ROBO2: variants seen among roughly 807,000 people sequenced by gnomAD.
The protein encoded by ROBO2 is roundabout homolog 2.
ROBO2 carries 53 observed loss-of-function variants against 160.8 expected under a neutral mutation model. That is an observed-to-expected ratio of 0.33 (90% CI 0.26 to 0.41). ROBO2 has a LOEUF of 0.41. Ranked by LOEUF, ROBO2 falls within the 10% of genes least tolerant of loss-of-function variation. The probability of loss-of-function intolerance (pLI) is 1.00; values close to 1 mark genes in which losing one functional copy is unlikely to be tolerated. For synonymous variants in ROBO2, 664 were observed against 611.7 expected (o/e 1.09, Z -1.26); for missense variants, 1,577 against 1,722.4 (o/e 0.92, Z 1.49).
chr3:76,283,211 T>C (rs1250472860), intron 2 of ROBO2, among the ~76,000 whole-genome samples: 1 of 139,078 alleles, frequency 7.2e-6, no homozygotes, highest in African/African-American at 2.6e-5. Flanking sequence ...TAAGAGGTAG[T>C]AATAATCTGT....
At chr3:75,925,470 T>C (rs562103029) in intron 1 of ROBO2, among the ~76,000 whole-genome samples, 3 of 152,172 alleles carry the variant, frequency 2.0e-5, no homozygotes, top group Non-Finnish European at 4.4e-5. Context: ...CCTCTGATTA[T>C]ATGAGGCTGG....
At chr3:77,317,444 C>T (rs561598890) in intron 2 of ROBO2, 109 of 1,513,824 alleles carry the variant, frequency 7.2e-5, no homozygotes, top group Admixed American at 5.3e-4. Context: ...CCAGACTGCC[C>T]GTCACTTTGG....
chr3:76,854,223 C>T (rs576482425), intron 2 of ROBO2, among the ~76,000 whole-genome samples: 1 of 152,000 alleles, frequency 6.6e-6, no homozygotes, highest in Non-Finnish European at 1.5e-5. Context: ...ACAAGTAATC[C>T]ATTGTATGGA....
At position 76,101,743 on chromosome 3, in the gene ROBO2, T is replaced by A. The variant is rs983768806; in HGVS notation, c.109+164141T>A. 6.5e-5 allele frequency among the ~76,000 whole-genome samples: 9 copies of A among 138,586 alleles called. No individual in the cohort carries two copies. The East Asian group carries it at 1.9e-3, about 29-fold the overall frequency. 90.9% of individuals were successfully genotyped at this position (138,586 alleles called of 152,430 possible). A position where few individuals can be genotyped will look rare whatever the true frequency, so the allele number is the denominator to read the frequency against. The stretch of plus-strand genomic sequence containing the variant: ...CACAAGAGGCCCTGGGGTGTGATGT[T>A]CCCCTTCCTGTGTCCAAGTGTTCCC... On this transcript the variant is annotated intron_variant, in intron 2 of 26. Transcript: ENST00000487694.
chr3:76,137,535 C>T (rs1577011822), intron 2 of ROBO2, among the ~76,000 whole-genome samples: 1 of 151,334 alleles, frequency 6.6e-6, no homozygotes. Flanking sequence ...TTTAATTTCA[C>T]ATTGAAAATT....
intron 2 of ROBO2, among the ~76,000 whole-genome samples, chr3:76,050,494 C>T (rs1179013996): frequency 1.3e-5 from 2 of 152,236 alleles, no homozygotes; most frequent in East Asian, 3.9e-4. Context: ...AGTCAATTCT[C>T]CTAATAAACT....
chr3:76,513,133 C>A (rs1371264221), intron 2 of ROBO2, among the ~76,000 whole-genome samples: 1 of 152,070 alleles, frequency 6.6e-6, no homozygotes, highest in Non-Finnish European at 1.5e-5. Flanking sequence ...TGAACAGTAG[C>A]AAGGGGTAAA....
chr3:76,190,302 G>GT (rs1701948532), intron 2 of ROBO2, among the ~76,000 whole-genome samples: 1 of 152,106 alleles, frequency 6.6e-6, no homozygotes, highest in Admixed American at 6.6e-5. Flanking sequence ...CCGAAGAGGT[G>GT]TGTGGCAATA....
intron 2 of ROBO2, among the ~76,000 whole-genome samples, chr3:77,393,863 T>C (rs2074996347): frequency 6.6e-6 from 1 of 152,004 alleles, no homozygotes; most frequent in African/African-American, 2.4e-5. Flanking sequence ...GATTGCAGAA[T>C]ATTATATATA....
chr3:76,663,788 C>A (rs2091916820), intron 2 of ROBO2, among the ~76,000 whole-genome samples: 1 of 152,018 alleles, frequency 6.6e-6, no homozygotes, highest in South Asian at 2.1e-4. Context: ...AGTCTAATCC[C>A]AGCTACTCGG....
chr3:76,198,009 A>G (rs975270327), intron 2 of ROBO2, among the ~76,000 whole-genome samples: 3 of 152,180 alleles, frequency 2.0e-5, no homozygotes, highest in Non-Finnish European at 4.4e-5. Context: ...TCTGAATCTC[A>G]CTGTAAACCA....
At chr3:76,185,215 TACACAC>T (rs1553669701) in intron 2 of ROBO2, among the ~76,000 whole-genome samples, 1 of 90,312 alleles carries the variant, frequency 1.1e-5, no homozygotes, top group African/African-American at 3.8e-5. Flanking sequence ...TATATATATA[TACACAC>T]ACAAAGATGT....
rs140903219 is a variant in ROBO2, at chr3:76,605,994, T to C, written c.110-492020T>C. On this transcript the variant is annotated intron_variant, in intron 2 of 26. Transcript: ENST00000487694. Reference sequence around the variant, plus strand: ...ATTTGGAGGAAAGCCAAGCTAGATATCTTCTAAGATTCTTTCCAACACAAT... The same window carrying C: ...ATTTGGAGGAAAGCCAAGCTAGATACCTTCTAAGATTCTTTCCAACACAAT... Among the ~76,000 whole-genome samples, 1,036 of 152,266 alleles carry C rather than the reference T, an allele frequency of 6.8e-3. 11 individuals carry two copies. Among genetic ancestry groups the C allele is most frequent in the African/African-American group, 0.023 (971 of 41,552 alleles).
At chr3:76,866,473 T>C (rs944008329) in intron 2 of ROBO2, among the ~76,000 whole-genome samples, 6 of 152,140 alleles carry the variant, frequency 3.9e-5, no homozygotes, top group African/African-American at 1.4e-4. Context: ...AATATTGTTA[T>C]TGACAAACTT....
At chr3:77,027,492 A>C (rs1274207402) in intron 2 of ROBO2, among the ~76,000 whole-genome samples, 2 of 152,214 alleles carry the variant, frequency 1.3e-5, no homozygotes, top group Non-Finnish European at 2.9e-5. Flanking sequence ...TCAAAAGTAA[A>C]TTGGGCAATC....
In ROBO2 at chr3:75,911,552, CTTTTTTT is replaced by C. The variant is rs56787695; in HGVS notation, c.-14+4609_-14+4615del. Among the ~76,000 whole-genome samples the C allele has an allele frequency of 1.2e-3, 98 of 83,550 alleles. 1 individual carries two copies. The highest frequency in any genetic ancestry group is 3.1e-3 in the Admixed American group (20 of 6,456). The allele number at this position is 83,550 out of a possible 152,430, so 54.8% of individuals were successfully genotyped here. On this transcript the variant is annotated intron_variant, in intron 1 of 26. Coordinates refer to the ROBO2 transcript ENST00000487694. ...AAGATCCCTTTCTGAAGCCTTGTTT[CTTTTTTT>C]TTTTTTTTTTTTTTTTGAGACGGAG...
intron 2 of ROBO2, among the ~76,000 whole-genome samples, chr3:76,573,645 C>T (rs1026191701): frequency 8.6e-5 from 13 of 151,492 alleles, no homozygotes; most frequent in African/African-American, 3.2e-4. Flanking sequence ...TTTTTTGAAC[C>T]AGCATTATCA....
chr3:77,537,106 G>GGC (rs1031490787), intron 6 of ROBO2, among the ~76,000 whole-genome samples: 2 of 142,484 alleles, frequency 1.4e-5, no homozygotes, highest in Middle Eastern at 3.4e-3. Context: ...TTGTGGGGGG[G>GGC]GGGTGTATTA....
chr3:76,937,378 A>G (rs183376191), intron 2 of ROBO2, among the ~76,000 whole-genome samples: 282 of 152,310 alleles, frequency 1.9e-3, no homozygotes, highest in African/African-American at 6.6e-3. Flanking sequence ...ATAAAAATTT[A>G]CTGGAATAAT....
Sources: allele counts gnomAD v4.1 joint callset (sites outside exome capture counted in the v4.1 genomes callset), GRCh38; gene constraint gnomAD v4.1.1; transcripts MANE v1.5; gene names NCBI Gene and HGNC (gene_info 2026-07-23, HGNC 2026-07-21).